Variants in GID4 observed in about 807,000 individuals in gnomAD.
The protein encoded by GID4 is GID complex subunit 4 homolog.
A neutral mutation model predicts 32.4 loss-of-function variants in GID4; 7 were observed. The ratio of observed to expected loss-of-function variants is 0.22; its 90% CI spans 0.12 to 0.41. GID4 has a LOEUF of 0.41. GID4 is among the 10% of genes least tolerant of loss of function. GID4 has a pLI of 1.00. For missense variants in GID4, 309 were observed against 400.0 expected, an observed-to-expected ratio of 0.77 and a Z score of 1.94; for synonymous variants, 166 against 170.0, an observed-to-expected ratio of 0.98 and a Z score of 0.18.
chr17:18,056,923 T>TC (rs1165064140), intron 3 of GID4: 13 of 1,550,458 alleles, frequency 8.4e-6, no homozygotes, highest in Non-Finnish European at 1.0e-5. Context: ...ACTCCCAGGT[T>TC]CCCACGTGGG....
chr17:18,046,123 C>T (rs1424341724), intron 2 of GID4, among the ~76,000 whole-genome samples: 1 of 152,156 alleles, frequency 6.6e-6, no homozygotes, highest in East Asian at 1.9e-4. Flanking sequence ...CCAGGCTGGA[C>T]CTAGCTGCAG....
Position 18,039,698 on chromosome 17 carries a change from T to C in GID4, c.234T>C (p.Ala78=). 1.4e-6 allele frequency: 2 copies of C among 1,465,408 alleles called. No individual in the cohort carries two copies. The highest frequency in any genetic ancestry group is 9.0e-7 in the Non-Finnish European group (1 of 1,107,162). The allele number at this position is 1,465,408 out of a possible 1,614,324, so 90.8% of individuals were successfully genotyped here. The change falls in exon 1 of 6, where the codon GCT becomes GCC. Residue 78 remains alanine (A), a synonymous_variant. Transcript: ENST00000268719. This position sits in a 1 kb window ranked among gnomAD's most constrained non-coding sequence, Gnocchi z 5.3. ...CTCTCCCACTCCCCCCAGCCCTGGC[T>C]CCGGGGGACCCCGCGATGCCGGTCC... ...AVPLPLPPAL[A]PGDPAMPVRT...
rs2142157350 is a variant in GID4 at position 18,065,602 on chromosome 17, T to G, written c.*359T>G. 4 of 313,674 alleles carry G rather than the reference T, an allele frequency of 1.3e-5. No individual in the cohort carries two copies. Among genetic ancestry groups the G allele is most frequent in the South Asian group, 8.3e-5 (3 of 35,944 alleles). The allele number at this position is 313,674 out of a possible 1,614,324, so 19.4% of individuals were successfully genotyped here. ...TAGAAGGTCTGCTCCCGGATCACCC[T>G]CAGCCTTGGTGCTCAGTGGTCCCGA... On this transcript the variant is annotated 3_prime_UTR_variant, in exon 6 of 6. Transcript: ENST00000268719.
At chr17:18,058,790 C>A in intron 3 of GID4, 78 bp from the exon 4 acceptor site, 1 of 916,476 alleles carries the variant, frequency 1.1e-6, no homozygotes, top group Non-Finnish European at 1.8e-6. Flanking sequence ...GGTGAGTTTA[C>A]CTGGGCACAT....
chr17:18,050,292 G>A (rs1464954714), intron 2 of GID4, among the ~76,000 whole-genome samples: 2 of 152,208 alleles, frequency 1.3e-5, no homozygotes, highest in Non-Finnish European at 2.9e-5. Context: ...ACTCTTTGAG[G>A]AATTGCCACA....
chr17:18,045,138 T>G lies in GID4; in HGVS notation c.439-9T>G, dbSNP rs776366426. 5.0e-6 allele frequency: 8 copies of G among 1,610,744 alleles called. No individual in the cohort carries two copies. The South Asian group carries it at 8.8e-5, about 18-fold the overall frequency. ...TATTTGTGACAGGCTGTGTATCCTT[T>G]CTTTTCAGCACGTGGACACGGGGAA... On this transcript the variant is annotated splice_polypyrimidine_tract_variant and intron_variant, in intron 1 of 5. Transcript: ENST00000268719.
At chr17:18,055,557 T>C (rs2044958260) in intron 3 of GID4, among the ~76,000 whole-genome samples, 1 of 151,620 alleles carries the variant, frequency 6.6e-6, no homozygotes, top group African/African-American at 2.4e-5. Context: ...GGCATGATTA[T>C]AGCTCACTAT....
chr17:18,054,836 G>T lies in GID4; in HGVS notation c.606+602G>T, dbSNP rs529456564. Among the ~76,000 whole-genome samples the T allele has an allele frequency of 1.4e-4, 22 of 152,012 alleles. 1 individual carries two copies. Among genetic ancestry groups the T allele is most frequent in the Admixed American group, 6.6e-4 (10 of 15,258 alleles). ...ATGCTTCAAGACAGTTAGTGTCCTG[G>T]GATCTTTTCATTTGTTGTCATATAA... On this transcript the variant is annotated intron_variant, in intron 3 of 5. Coordinates refer to ENST00000268719, the MANE Select transcript of GID4 (RefSeq NM_024052.5).
chr17:18,055,828 T>C (rs987278644), intron 3 of GID4, among the ~76,000 whole-genome samples: 17 of 151,430 alleles, frequency 1.1e-4, no homozygotes, highest in African/African-American at 3.9e-4. Context: ...TTTTGTTTTG[T>C]TTTGTTCTGT....
intron 2 of GID4, among the ~76,000 whole-genome samples, chr17:18,052,091 A>G (rs975511676): frequency 6.6e-6 from 1 of 152,084 alleles, no homozygotes; most frequent in African/African-American, 2.4e-5. Context: ...AAAAAAAAAA[A>G]AAAAAGTTAG....
intron 4 of GID4, 83 bp downstream of exon 4, chr17:18,059,052 TC>T: frequency 1.3e-6 from 1 of 760,408 alleles, no homozygotes; most frequent in East Asian, 2.6e-5. Context: ...AACCAAGGGC[TC>T]CCCATGTCCA....
In GID4 at chr17:18,043,608, T is replaced by G. The variant is rs61746095; in HGVS notation, c.439-1539T>G. The stretch of plus-strand genomic sequence containing the variant: ...TTTGGCAGTTTTCACAGGGAATACC[T>G]TTGTCACCAGCACCAAACTGTGAAG... On this transcript the variant is annotated intron_variant, in intron 1 of 5. Coordinates refer to ENST00000268719, the MANE Select transcript of GID4 (RefSeq NM_024052.5). 2.7e-3 allele frequency among the ~76,000 whole-genome samples: 404 copies of G among 152,348 alleles called. 3 individuals are homozygous for G. The highest frequency in any genetic ancestry group is 9.4e-3 in the African/African-American group (390 of 41,596).
chr17:18,052,216 G>A (rs1265367886), intron 2 of GID4, among the ~76,000 whole-genome samples: 1 of 152,070 alleles, frequency 6.6e-6, no homozygotes, highest in African/African-American at 2.4e-5. Context: ...GGATAGGGGG[G>A]TTGTGGGTTT....
At chr17:18,060,324 G>A (rs987220499) in intron 4 of GID4, among the ~76,000 whole-genome samples, 4 of 150,010 alleles carry the variant, frequency 2.7e-5, no homozygotes, top group Admixed American at 1.3e-4. Flanking sequence ...CTTGAACCCA[G>A]GAGGTGGAGG....
rs938422954 is a variant in GID4 at position 18,067,391 on chromosome 17, A to G, written c.*2148A>G. On this transcript the variant is annotated 3_prime_UTR_variant, in exon 6 of 6. Coordinates refer to ENST00000268719, the MANE Select transcript of GID4 (RefSeq NM_024052.5). ...GCAAACACTGCTGTGTTCTAGACAA[A>G]CAACCCAAGTCCTATGGCAGGATTT... 6.6e-6 allele frequency: 1 copy of G among 152,072 alleles called. No homozygotes were observed. Among genetic ancestry groups the G allele is most frequent in the East Asian group, 1.9e-4 (1 of 5,200 alleles). 9.4% of individuals were successfully genotyped at this position (152,072 alleles called of 1,614,324 possible). A position where few individuals can be genotyped will look rare whatever the true frequency, so the allele number is the denominator to read the frequency against.
In GID4 at chr17:18,039,860, G is replaced by A; in HGVS notation, c.396G>A (p.Gln132=). The A allele has an allele frequency of 6.5e-7, 1 of 1,539,732 alleles. No individual in the cohort carries two copies. Among genetic ancestry groups the A allele is most frequent in the Non-Finnish European group, 8.8e-7 (1 of 1,141,048 alleles). The part of the protein sequence containing the change: ...LYSGSKFRGH[Q]KSKGNSYDVE... ...GCGGCTCCAAGTTCCGCGGCCACCA[G>A]AAGAGCAAGGGGAACTCGTACGACG... The change falls in exon 1 of 6, where the codon CAG becomes CAA. Residue 132 remains glutamine, a synonymous_variant. Coordinates refer to ENST00000268719, the MANE Select transcript of GID4 (RefSeq NM_024052.5). This position sits in a 1 kb window ranked among gnomAD's most constrained non-coding sequence, Gnocchi z 5.3.
intron 3 of GID4, among the ~76,000 whole-genome samples, chr17:18,055,201 A>G (rs985227818): frequency 2.0e-5 from 3 of 152,024 alleles, no homozygotes; most frequent in Admixed American, 2.0e-4. Context: ...CATTTTCTCA[A>G]CCTAATAGCC....
intron 2 of GID4, among the ~76,000 whole-genome samples, chr17:18,049,643 T>G (rs1161766026): frequency 6.6e-6 from 1 of 152,016 alleles, no homozygotes; most frequent in Non-Finnish European, 1.5e-5. Flanking sequence ...TGTTCTTCCC[T>G]TCTTTTTTTT....
chr17:18,057,106 G>T lies in GID4; in HGVS notation c.607-1762G>T, dbSNP rs947492491. Reference sequence around the variant, plus strand: ...TATTATAGTGGTACTATAAAGTCAGGATTCCATATATTCAGTCTACATAGG... The same window carrying T: ...TATTATAGTGGTACTATAAAGTCAGTATTCCATATATTCAGTCTACATAGG... On this transcript the variant is annotated intron_variant, in intron 3 of 5. Coordinates refer to ENST00000268719, the MANE Select transcript of GID4 (RefSeq NM_024052.5). 10 of 1,474,644 alleles carry T rather than the reference G, an allele frequency of 6.8e-6. No homozygotes were observed. In the African/African-American group the frequency reaches 1.4e-4, roughly 21 times the overall value. The allele number at this position is 1,474,644 out of a possible 1,614,324, so 91.3% of individuals were successfully genotyped here.
Sources: gnomAD v4.1 joint callset for allele counts (sites outside exome capture counted in the v4.1 genomes callset) on GRCh38, gnomAD v4.1.1 for gene constraint, Gnocchi (gnomAD v3.1) non-coding constraint, MANE v1.5 for transcripts, NCBI Gene and HGNC (gene_info 2026-07-23, HGNC 2026-07-21) for gene names.